ITGB6: variants seen among roughly 807,000 people sequenced by gnomAD.
ITGB6 encodes integrin subunit beta 6.
Under a neutral mutation model 84.5 loss-of-function variants are expected in ITGB6, and 80 were observed. The observed-to-expected ratio is 0.95, with a 90% CI of 0.79 to 1.14. The LOEUF is 1.14. Ranked by LOEUF, ITGB6 falls within the 50% of genes most tolerant of loss-of-function variation. ITGB6 has a pLI of 0.00. For missense variants in ITGB6, 1,006 were observed against 968.0 expected (o/e 1.04, Z -0.52); for synonymous variants, 383 against 354.9 (o/e 1.08, Z -0.89).
At chr2:160,129,764 A>G (rs1238293005) in intron 10 of ITGB6, among the ~76,000 whole-genome samples, 1 of 152,170 alleles carries the variant, frequency 6.6e-6, no homozygotes, top group Non-Finnish European at 1.5e-5. Context: ...TTACTTTTCT[A>G]TCTTGATGAC....
intron 4 of ITGB6, among the ~76,000 whole-genome samples, chr2:160,176,194 A>T (rs1002639393): frequency 6.6e-6 from 1 of 152,006 alleles, no homozygotes; most frequent in South Asian, 2.1e-4. Flanking sequence ...GTCACTTCTG[A>T]CCCCTCCCCC....
chr2:160,113,593 A>C (rs1682626242), intron 12 of ITGB6, among the ~76,000 whole-genome samples: 1 of 152,246 alleles, frequency 6.6e-6, no homozygotes, highest in Admixed American at 6.5e-5. Context: ...GTCATTGCCA[A>C]ATGATTATGG....
chr2:160,106,921 G>T (rs755430205), intron 14 of ITGB6, among the ~76,000 whole-genome samples: 4 of 152,132 alleles, frequency 2.6e-5, no homozygotes, highest in Non-Finnish European at 5.9e-5. Flanking sequence ...GATAATTGCT[G>T]TTAGATACCT....
intron 7 of ITGB6, among the ~76,000 whole-genome samples, chr2:160,168,868 T>C (rs1685099611): frequency 6.6e-6 from 1 of 152,228 alleles, no homozygotes; most frequent in Non-Finnish European, 1.5e-5. Flanking sequence ...TGTTCTCTGT[T>C]AACTCCCTCA....
rs528310931 is a variant in ITGB6, at chr2:160,173,982, C to A, written c.751G>T (p.Val251Leu). Residue 251 changes from valine to leucine, a missense_variant, in exon 5 of 15, where the codon GTG becomes TTG. By Grantham distance (32) the Val-to-Leu change is conservative. Transcript: ENST00000283249. ...CACTCCCTTCAGCATACCTTACACACAGCAGCTTGCATAATTGCATCAAAT... is the reference window on the plus strand; with the variant it reads ...CACTCCCTTCAGCATACCTTACACAAAGCAGCTTGCATAATTGCATCAAAT... ...GGFDAIMQAA[V>L]CKEKIGWRND... 4 of 1,613,430 alleles carry A rather than the reference C, an allele frequency of 2.5e-6. No individual in the cohort carries two copies. In the South Asian group the frequency reaches 4.4e-5, roughly 18 times the overall value.
intron 2 of ITGB6, among the ~76,000 whole-genome samples, chr2:160,197,726 T>C (rs914008447): frequency 6.6e-6 from 1 of 152,254 alleles, no homozygotes; most frequent in Non-Finnish European, 1.5e-5. Context: ...CTTCCCATGA[T>C]GTAACCAAGG....
chr2:160,169,391 T>A (rs1685122657), intron 6 of ITGB6, 84 bp from the exon 7 acceptor site: 1 of 785,790 alleles, frequency 1.3e-6, no homozygotes, highest in East Asian at 2.7e-5. Flanking sequence ...AGATACCTTT[T>A]TGAGTTTGGC....
chr2:160,113,027 G>A (rs185999106), intron 12 of ITGB6, among the ~76,000 whole-genome samples: 119 of 152,308 alleles, frequency 7.8e-4, no homozygotes, highest in African/African-American at 2.8e-3. Context: ...TTGCTTAACT[G>A]TTCTCCTATC....
chr2:160,160,696 C>A (rs1684782322), intron 7 of ITGB6, among the ~76,000 whole-genome samples: 1 of 152,108 alleles, frequency 6.6e-6, no homozygotes, highest in Admixed American at 6.6e-5. Context: ...GTGATTATTT[C>A]AAAGGCTATG....
rs11335168 is a variant in ITGB6, at chr2:160,163,631, C to CAA, written c.1017+5579_1017+5580dup. 1.1e-4 allele frequency among the ~76,000 whole-genome samples: 15 copies of CAA among 138,030 alleles called. No homozygotes were observed. The East Asian group carries it at 2.2e-3, about 20-fold the overall frequency. 90.6% of individuals were successfully genotyped at this position (138,030 alleles called of 152,430 possible). ...TGGGCAACAGAGGGAGACTTTGTCT[C>CAA]AAAAAAAAAAAAAAAGGTGATTATT... On this transcript the variant is annotated intron_variant, in intron 7 of 14. Coordinates refer to ENST00000283249, the MANE Select transcript of ITGB6 (RefSeq NM_000888.5).
At chr2:160,151,253 C>A (rs568741135) in intron 7 of ITGB6, among the ~76,000 whole-genome samples, 16 of 152,324 alleles carry the variant, frequency 1.1e-4, no homozygotes, top group Admixed American at 1.0e-3. Context: ...GTCTCTCATA[C>A]CACAGTGCAA....
intron 7 of ITGB6, among the ~76,000 whole-genome samples, chr2:160,166,829 C>T (rs1300917331): frequency 6.6e-6 from 1 of 152,162 alleles, no homozygotes; most frequent in Non-Finnish European, 1.5e-5. Context: ...TTACTTTATC[C>T]TTTTCACTGT....
rs117024903 is a variant in ITGB6 at position 160,109,501 on chromosome 2, G to A, written c.2102-1656C>T. ...CATGAATTAGGAGGGTTCTCCAGGAGGGACTAAAGAAGAAATGGGTGCGGT... is the reference window on the plus strand; with the variant it reads ...CATGAATTAGGAGGGTTCTCCAGGAAGGACTAAAGAAGAAATGGGTGCGGT... On this transcript the variant is annotated intron_variant, in intron 13 of 14. Transcript: ENST00000283249. 3.3e-5 allele frequency among the ~76,000 whole-genome samples: 5 copies of A among 152,326 alleles called. 1 individual carries two copies. The East Asian group carries it at 9.6e-4, about 29-fold the overall frequency.
At chr2:160,141,671 G>C (rs1323595347) in intron 8 of ITGB6, among the ~76,000 whole-genome samples, 1 of 152,072 alleles carries the variant, frequency 6.6e-6, no homozygotes, top group East Asian at 1.9e-4. Context: ...AGATGGAGGA[G>C]AGCTTAATTG....
At chr2:160,159,865 G>A (rs1257346444) in intron 7 of ITGB6, among the ~76,000 whole-genome samples, 1 of 152,018 alleles carries the variant, frequency 6.6e-6, no homozygotes, top group African/African-American at 2.4e-5. Flanking sequence ...ACTATTAAAA[G>A]TTGTAATTGG....
intron 7 of ITGB6, among the ~76,000 whole-genome samples, chr2:160,168,370 G>T (rs958466720): frequency 5.3e-5 from 8 of 152,140 alleles, no homozygotes; most frequent in African/African-American, 9.7e-5. Flanking sequence ...CCTTTCAAAA[G>T]GAATGAGAGA....
chr2:160,156,983 A>G (rs917083377), intron 7 of ITGB6, among the ~76,000 whole-genome samples: 1 of 152,188 alleles, frequency 6.6e-6, no homozygotes, highest in Non-Finnish European at 1.5e-5. Context: ...TTGCAACAAC[A>G]GAAATTGTTC....
At chr2:160,105,243 C>T (rs1220017923) in intron 14 of ITGB6, among the ~76,000 whole-genome samples, 2 of 151,838 alleles carry the variant, frequency 1.3e-5, no homozygotes, top group Non-Finnish European at 2.9e-5. Flanking sequence ...TCCATTTATG[C>T]TTTTTTTTCT....
intron 4 of ITGB6, among the ~76,000 whole-genome samples, chr2:160,188,746 G>T (rs1320202720): frequency 6.6e-6 from 1 of 152,022 alleles, no homozygotes; most frequent in Non-Finnish European, 1.5e-5. Flanking sequence ...TGGGATTACA[G>T]GCATGTGCCC....
Sources: gnomAD v4.1 joint callset for allele counts (sites outside exome capture counted in the v4.1 genomes callset) on GRCh38, gnomAD v4.1.1 for gene constraint, MANE v1.5 for transcripts, NCBI Gene and HGNC (gene_info 2026-07-23, HGNC 2026-07-21) for gene names.